The following CNOT10 variants were observed in gnomAD, a reference collection of about 807,000 sequenced individuals.
CNOT10 encodes CCR4-NOT transcription complex subunit 10.
In CNOT10, 30 loss-of-function variants were observed where a neutral mutation model predicts 94.6. That is an observed-to-expected ratio of 0.32 (90% CI 0.24 to 0.43). The LOEUF is 0.43. CNOT10 is among the 20% of genes least tolerant of loss of function. CNOT10 has a pLI of 1.00. For missense variants in CNOT10, 759 were observed against 877.2 expected, an observed-to-expected ratio of 0.87 and a Z score of 1.70; for synonymous variants, 289 against 301.6, an observed-to-expected ratio of 0.96 and a Z score of 0.43.
intron 9 of CNOT10, among the ~76,000 whole-genome samples, chr3:32,727,094 C>T (rs982538719): frequency 1.3e-4 from 20 of 151,962 alleles, no homozygotes; most frequent in African/African-American, 4.6e-4. Context: ...ATCTGCCCGC[C>T]TTGGCCTCCC....
intron 5 of CNOT10, among the ~76,000 whole-genome samples, chr3:32,715,114 G>A (rs148824721): frequency 3.1e-4 from 47 of 152,210 alleles, no homozygotes; most frequent in African/African-American, 1.0e-3. Context: ...TGCTCTGCCC[G>A]GTTCTAAGGT....
rs113229244 is a variant in CNOT10, at chr3:32,689,318, C to T, written c.22+3836C>T. Among the ~76,000 whole-genome samples, 1,210 of 150,432 alleles carry T rather than the reference C, an allele frequency of 8.0e-3. 10 individuals are homozygous for T. Among genetic ancestry groups the T allele is most frequent in the Admixed American group, 0.011 (163 of 15,100 alleles). ...CAGTGAGCCAAGATCGTGCCATTGC[C>T]CTCCAGCCTGGGCAACAAGAGCAAA... is the stretch of plus-strand genomic sequence containing the variant. On this transcript the variant is annotated intron_variant, in intron 1 of 18. Transcript: ENST00000328834.
chr3:32,755,633 G>C (rs1242353747), intron 13 of CNOT10, among the ~76,000 whole-genome samples: 1 of 151,926 alleles, frequency 6.6e-6, no homozygotes, highest in Non-Finnish European at 1.5e-5. Context: ...AACTATTTCA[G>C]ATATTTGGTT....
At chr3:32,738,024 C>G (rs1274427171) in intron 13 of CNOT10, among the ~76,000 whole-genome samples, 1 of 152,036 alleles carries the variant, frequency 6.6e-6, no homozygotes, top group African/African-American at 2.4e-5. Context: ...CTTTTCTTTC[C>G]TAGAAATGAT....
Position 32,763,530 on chromosome 3 carries a change from A to G in CNOT10, c.1840+667A>G, listed in dbSNP as rs1700539677. Among the ~76,000 whole-genome samples, 2 of 152,004 alleles carry G rather than the reference A, an allele frequency of 1.3e-5. 1 individual carries two copies. Among genetic ancestry groups the G allele is most frequent in the South Asian group, 4.2e-4 (2 of 4,812 alleles). ...TAGGGCGTGGTGGTGCAAGCCTGTA[A>G]TCTCACCTACTCAGGAGGCTGAGAC... On this transcript the variant is annotated intron_variant, in intron 15 of 18. Transcript: ENST00000328834.
At chr3:32,731,910 C>G (rs1358739153) in intron 10 of CNOT10, among the ~76,000 whole-genome samples, 3 of 151,972 alleles carry the variant, frequency 2.0e-5, no homozygotes, top group Admixed American at 6.6e-5. Flanking sequence ...AACTCCATCT[C>G]TACTAAAAAT....
intron 1 of CNOT10, among the ~76,000 whole-genome samples, chr3:32,701,143 C>T (rs1697324140): frequency 6.6e-6 from 1 of 152,052 alleles, no homozygotes; most frequent in Admixed American, 6.6e-5. Context: ...GGTGTGGCGG[C>T]AGGTGCCTGT....
chr3:32,740,497 T>G (rs897787291), intron 13 of CNOT10, among the ~76,000 whole-genome samples: 27 of 152,248 alleles, frequency 1.8e-4, no homozygotes, highest in Admixed American at 4.6e-4. Context: ...GATATTGACA[T>G]TGATACAGTA....
chr3:32,722,597 C>G (rs893954792), intron 8 of CNOT10, among the ~76,000 whole-genome samples: 5 of 152,166 alleles, frequency 3.3e-5, no homozygotes, highest in Admixed American at 3.3e-4. Flanking sequence ...GCAGGAGGAC[C>G]AGGAGTTCGA....
In CNOT10 at chr3:32,720,116, C is replaced by T. The variant is rs376876282; in HGVS notation, c.747C>T (p.Ser249=). The change falls in exon 8 of 19, where the codon TCC becomes TCT. Residue 249 remains serine, a splice_region_variant and synonymous_variant. Coordinates refer to ENST00000328834, the MANE Select transcript of CNOT10 (RefSeq NM_015442.3). ...IKSVMNTAGN[S]APSLFLKSNF... is the part of the protein sequence containing the mutation. Reference sequence around the variant, plus strand: ...TAACTTTTATATTTTCTCTACAGTCCGCACCCTCTCTCTTTCTTAAAAGCA... The same window carrying T: ...TAACTTTTATATTTTCTCTACAGTCTGCACCCTCTCTCTTTCTTAAAAGCA... The T allele has an allele frequency of 1.1e-5, 16 of 1,488,318 alleles. No individual in the cohort carries two copies. Among genetic ancestry groups the T allele is most frequent in the East Asian group, 2.3e-5 (1 of 43,930 alleles). 92.2% of individuals were successfully genotyped at this position (1,488,318 alleles called of 1,614,324 possible).
intron 1 of CNOT10, among the ~76,000 whole-genome samples, chr3:32,699,762 A>G (rs778908283): frequency 3.9e-5 from 6 of 152,088 alleles, no homozygotes; most frequent in Admixed American, 1.3e-4. Context: ...TGGCAGATCT[A>G]TAGAAGGAGA....
chr3:32,773,500 G>C lies in CNOT10; in HGVS notation c.2124G>C (p.Leu708=), dbSNP rs745959665. 1 of 1,613,902 alleles carries C rather than the reference G, an allele frequency of 6.2e-7. No individual in the cohort carries two copies. The highest frequency in any genetic ancestry group is 1.3e-5 in the African/African-American group (1 of 74,904). The change falls in exon 19 of 19, where the codon CTG becomes CTC. Residue 708 remains leucine, a synonymous_variant. Transcript: ENST00000328834. ...LALQIIKRNQ[L]LPAVKTHSEV... ...TACAGATCATCAAAAGGAATCAGCT[G>C]CTCCCTGCAGTGAAAACACACTCTG... is the stretch of plus-strand genomic sequence containing the variant.
At chr3:32,748,975 C>G (rs374335847) in intron 13 of CNOT10, among the ~76,000 whole-genome samples, 1 of 152,066 alleles carries the variant, frequency 6.6e-6, no homozygotes, top group African/African-American at 2.4e-5. Context: ...ACATGCATAA[C>G]CACACCCAGC....
At chr3:32,720,949 TTCCCTTCCC>T (rs1479058289) in intron 8 of CNOT10, among the ~76,000 whole-genome samples, 1 of 139,024 alleles carries the variant, frequency 7.2e-6, no homozygotes, top group African/African-American at 2.7e-5. Context: ...CTTCCCTTCC[TTCCCTTCCC>T]TCCCTTCCCT....
At chr3:32,768,438 C>T (rs993511075) in intron 17 of CNOT10, among the ~76,000 whole-genome samples, 1 of 152,092 alleles carries the variant, frequency 6.6e-6, no homozygotes, top group Non-Finnish European at 1.5e-5. Flanking sequence ...AAGAAATTAG[C>T]TGGGCGTGGT....
intron 8 of CNOT10, among the ~76,000 whole-genome samples, chr3:32,723,950 C>T (rs918757679): frequency 1.6e-4 from 24 of 151,818 alleles, no homozygotes; most frequent in Non-Finnish European, 2.6e-4. Context: ...CATGGTGGCC[C>T]GTGCCTGTAG....
intron 1 of CNOT10, among the ~76,000 whole-genome samples, chr3:32,693,690 C>T (rs7631099): frequency 0.037 from 5,588 of 151,604 alleles, 167 homozygotes; most frequent in Middle Eastern, 0.075. Context: ...TATAGGCATG[C>T]GCCACCACGC....
intron 16 of CNOT10, 62 bp from the exon 17 acceptor site, chr3:32,764,620 T>C (rs1700588508): frequency 3.7e-6 from 6 of 1,606,308 alleles, no homozygotes; most frequent in African/African-American, 1.3e-5. Flanking sequence ...AGGCGATAGA[T>C]TGGGTTGCTT....
intron 1 of CNOT10, chr3:32,695,754 T>C (rs1697021309): frequency 1.3e-6 from 2 of 1,536,014 alleles, no homozygotes; most frequent in Non-Finnish European, 8.7e-7. Context: ...GGTCGTATAC[T>C]CTTTCAATTG....
Sources: gnomAD v4.1 joint callset for allele counts (sites outside exome capture counted in the v4.1 genomes callset) on GRCh38, gnomAD v4.1.1 for gene constraint, MANE v1.5 for transcripts, NCBI Gene and HGNC (gene_info 2026-07-23, HGNC 2026-07-21) for gene names.